The following HOXC4 variants were observed in gnomAD, a reference collection of about 807,000 sequenced individuals.
HOXC4 encodes the protein homeobox protein Hox-C4.
In HOXC4, 15 loss-of-function variants were observed where a neutral mutation model predicts 25.5. That is an observed-to-expected ratio of 0.59 (90% CI 0.39 to 0.91). The LOEUF is 0.91. Ranked by LOEUF, HOXC4 falls within the 40% of genes least tolerant of loss-of-function variation. HOXC4 has a pLI of 0.00. For missense variants in HOXC4, 342 were observed against 352.4 expected (o/e 0.97, Z 0.24); for synonymous variants, 165 against 148.0 (o/e 1.11, Z -0.83).
At chr12:54,032,949 T>G in intron 1 of HOXC4, 2 of 587,146 alleles carry the variant, frequency 3.4e-6, no homozygotes, top group Non-Finnish European at 2.9e-6. Flanking sequence ...GCCGCTCGAG[T>G]CACGTGACTC....
At position 54,034,517 on chromosome 12, in the gene HOXC4, C is replaced by G. The variant is rs753862316; in HGVS notation, c.-124+17103C>G. 8 of 1,590,616 alleles carry G rather than the reference C, an allele frequency of 5.0e-6. No individual in the cohort carries two copies. The African/African-American group carries it at 6.7e-5, about 13-fold the overall frequency. ...GAGGCAGCGGGGGAGGCCCGCAGAG[C>G]GCGCCCCTAGCCGGTTCCTGTCCCT... On this transcript the variant is annotated intron_variant, in intron 1 of 3. Coordinates refer to the HOXC4 transcript ENST00000303406.
intron 1 of HOXC4, among the ~76,000 whole-genome samples, chr12:54,023,024 G>C (rs151312031): frequency 8.5e-5 from 13 of 152,084 alleles, no homozygotes; most frequent in Non-Finnish European, 1.9e-4. Flanking sequence ...TTTTTCTCCT[G>C]GGCCAAGCAG....
intron 1 of HOXC4, among the ~76,000 whole-genome samples, chr12:54,031,238 G>A (rs541070068): frequency 6.6e-6 from 1 of 152,358 alleles, no homozygotes; most frequent in South Asian, 2.1e-4. Flanking sequence ...CCACTCCCGG[G>A]AGTTGGAGGC....
chr12:54,042,834 T>G lies in HOXC4; in HGVS notation c.-123-10326T>G, dbSNP rs558871105. Reference sequence around the variant, plus strand: ...CCCCTCCCAACTTTTATTGGCTCCTTGTGACCCACATTGGTGTGTCTGTAC... The same window carrying G: ...CCCCTCCCAACTTTTATTGGCTCCTGGTGACCCACATTGGTGTGTCTGTAC... On this transcript the variant is annotated intron_variant, in intron 1 of 3. Transcript: ENST00000303406. Among the ~76,000 whole-genome samples, 12 of 152,366 alleles carry G rather than the reference T, an allele frequency of 7.9e-5. No individual in the cohort carries two copies. In the East Asian group the frequency reaches 2.3e-3, roughly 29 times the overall value.
chr12:54,042,457 C>A (rs1941290898), intron 1 of HOXC4, among the ~76,000 whole-genome samples: 1 of 152,132 alleles, frequency 6.6e-6, no homozygotes, highest in African/African-American at 2.4e-5. Context: ...TCCACACAGG[C>A]ACTGGGAAAA....
At chr12:54,018,810 T>C (rs1940288143) in intron 1 of HOXC4, among the ~76,000 whole-genome samples, 1 of 152,058 alleles carries the variant, frequency 6.6e-6, no homozygotes, top group Admixed American at 6.5e-5. Flanking sequence ...GGGGCCAGAC[T>C]TACCTTAATC....
chr12:54,052,785 A>G (rs939632297), upstream of HOXC4, among the ~76,000 whole-genome samples: 1 of 152,154 alleles, frequency 6.6e-6, no homozygotes, highest in Admixed American at 6.5e-5. Flanking sequence ...GCTGGCCTTT[A>G]GGAATTCGTG....
At position 54,054,884 on chromosome 12, in the gene HOXC4, C is replaced by G; in HGVS notation, c.474C>G (p.Arg158=). The G allele has an allele frequency of 3.1e-6, 5 of 1,612,376 alleles. No individual in the cohort carries two copies. Among genetic ancestry groups the G allele is most frequent in the Non-Finnish European group, 1.7e-6 (2 of 1,178,648 alleles). ...NPNYNGGEPK[R]SRTAYTRQQV... is the part of the protein sequence containing the mutation. ...ATTATAACGGAGGGGAACCCAAGCGCTCGAGGACAGCCTATACCCGGCAGC... is the reference window on the plus strand; with the variant it reads ...ATTATAACGGAGGGGAACCCAAGCGGTCGAGGACAGCCTATACCCGGCAGC... The change falls in exon 2 of 2, where the codon CGC becomes CGG. Residue 158 remains arginine, a synonymous_variant. Transcript: ENST00000430889.
chr12:54,029,800 G>A (rs1176606331), intron 1 of HOXC4: 4 of 1,614,064 alleles, frequency 2.5e-6, no homozygotes, highest in Non-Finnish European at 3.4e-6. Flanking sequence ...GCCTGACCGA[G>A]CGACAGATCA....
intron 1 of HOXC4, among the ~76,000 whole-genome samples, chr12:54,029,158 C>T (rs1006428728): frequency 6.6e-6 from 1 of 151,662 alleles, no homozygotes; most frequent in Non-Finnish European, 1.5e-5. Context: ...GCTGAGGGGG[C>T]AGGAACAGGG....
chr12:54,032,737 C>T (rs2630772), intron 1 of HOXC4: 32,458 of 160,288 alleles, frequency 0.2, 4,187 homozygotes, highest in Non-Finnish European at 0.28. Flanking sequence ...AATTCCCCCA[C>T]ATAGGCACCA....
upstream of HOXC4, among the ~76,000 whole-genome samples, chr12:54,050,411 A>T (rs1170379063): frequency 6.6e-6 from 1 of 152,138 alleles, no homozygotes; most frequent in African/African-American, 2.4e-5. Flanking sequence ...AAATAAATAA[A>T]ACTGGGGCAA....
chr12:54,022,511 GTCTCTC>G (rs201270227), intron 1 of HOXC4: 1 of 151,138 alleles, frequency 6.6e-6, no homozygotes, highest in Non-Finnish European at 1.5e-5. Flanking sequence ...TCCCCTCCCA[GTCTCTC>G]TCTCTCTCTT....
At chr12:54,028,806 C>T in intron 1 of HOXC4, 1 of 1,614,168 alleles carries the variant, frequency 6.2e-7, no homozygotes, top group Non-Finnish European at 8.5e-7. Context: ...TAGGACATAA[C>T]ACACAGACCT....
Position 54,054,108 on chromosome 12 carries a change from C to T in HOXC4, c.186C>T (p.Tyr62=). 6.2e-7 allele frequency: 1 copy of T among 1,614,208 alleles called. No homozygotes were observed. ...LYPPPPPRPS[Y]PERQYSCTSL... ...CACCACCGCCTCCGCGCCCTAGCTA[C>T]CCTGAGCGCCAGTATAGCTGCACCA... Residue 62 remains tyrosine (Y), a synonymous_variant, in exon 1 of 2, where the codon TAC becomes TAT. Transcript: ENST00000430889.
chr12:54,033,108 TGGGCCCTCC>T, intron 1 of HOXC4: 3 of 1,591,120 alleles, frequency 1.9e-6, no homozygotes, highest in Admixed American at 3.5e-5. Flanking sequence ...GAAATTTTTT[TGGGCCCTCC>T]CCGCCATGAG....
chr12:54,017,921 G>C (rs1335336357), intron 1 of HOXC4, among the ~76,000 whole-genome samples: 1 of 151,986 alleles, frequency 6.6e-6, no homozygotes, highest in Non-Finnish European at 1.5e-5. Flanking sequence ...CTCCCTCCCA[G>C]AGAGCGCGAC....
intron 1 of HOXC4, 55 bp downstream of exon 1, chr12:54,054,416 C>T (rs1937924186): frequency 1.0e-5 from 13 of 1,275,168 alleles, no homozygotes; most frequent in Admixed American, 2.8e-5. Context: ...CTAGCGCTCC[C>T]CACCCTCCTC....
At position 54,037,737 on chromosome 12, in the gene HOXC4, T is replaced by C. The variant is rs1941211003; in HGVS notation, c.-123-15423T>C. ...ATGCTTCTATGTGAATTTAGGAGTT[T>C]GAAACTTTTGGAGGTTATTTATGTG... On this transcript the variant is annotated intron_variant, in intron 1 of 3. Coordinates refer to the HOXC4 transcript ENST00000303406. 3 of 152,280 alleles carry C rather than the reference T, an allele frequency of 2.0e-5. No individual in the cohort carries two copies. In the East Asian group the frequency reaches 5.8e-4, roughly 29 times the overall value. 9.4% of individuals were successfully genotyped at this position (152,280 alleles called of 1,614,324 possible). A position where few individuals can be genotyped will look rare whatever the true frequency, so the allele number is the denominator to read the frequency against.
Sources: allele counts gnomAD v4.1 joint callset (sites outside exome capture counted in the v4.1 genomes callset), GRCh38; gene constraint gnomAD v4.1.1; transcripts MANE v1.5; gene names NCBI Gene and HGNC (gene_info 2026-07-23, HGNC 2026-07-21).